Variants in BRD10 observed in about 807,000 individuals in gnomAD.
BRD10 encodes the protein bromodomain containing 10.
the BRD10 span, among the ~76,000 whole-genome samples, chr9:5,939,744 T>C: frequency 6.6e-6 from 1 of 152,200 alleles, no homozygotes; most frequent in Non-Finnish European, 1.5e-5. Context: ...TCAGCACAAC[T>C]GACATTTGGG....
chr9:5,922,527 G>T, the BRD10 span: 2 of 1,613,968 alleles, frequency 1.2e-6, no homozygotes, highest in Non-Finnish European at 8.5e-7. Context: ...ACAGTTCCTG[G>T]TGAGTTGACA....
At chr9:5,992,291 T>C in the BRD10 span, among the ~76,000 whole-genome samples, 1 of 152,190 alleles carries the variant, frequency 6.6e-6, no homozygotes, top group East Asian at 1.9e-4. Flanking sequence ...ATAGAAAGTA[T>C]TTGGAAGAAC....
At chr9:5,998,163 G>A in the BRD10 span, among the ~76,000 whole-genome samples, 6 of 152,084 alleles carry the variant, frequency 3.9e-5, no homozygotes, top group African/African-American at 1.2e-4. Context: ...ATGGCTACTG[G>A]ACACTCAATT....
At chr9:5,952,549 A>G in the BRD10 span, among the ~76,000 whole-genome samples, 93 of 152,368 alleles carry the variant, frequency 6.1e-4, no homozygotes, top group African/African-American at 2.2e-3. Flanking sequence ...AAAAAGAAAC[A>G]CTGGTCATGC....
the BRD10 span, among the ~76,000 whole-genome samples, chr9:5,975,428 A>G: frequency 4.5e-5 from 6 of 132,592 alleles, no homozygotes; most frequent in African/African-American, 1.7e-4. Context: ...AACAAGAGTG[A>G]AACTCCATCT....
At chr9:5,991,724 TA>T in the BRD10 span, among the ~76,000 whole-genome samples, 26,494 of 117,948 alleles carry the variant, frequency 0.22, 3,008 homozygotes, top group African/African-American at 0.32. Context: ...GACTCTGTCT[TA>T]AAAAAAAAAA....
At chr9:5,968,027 T>G in the BRD10 span, 2 of 1,512,014 alleles carry the variant, frequency 1.3e-6, no homozygotes, top group Non-Finnish European at 1.8e-6. Context: ...ACCAGATTTG[T>G]GCTTCTTGTG....
chr9:5,889,086 C>T, the BRD10 span, among the ~76,000 whole-genome samples: 7 of 152,270 alleles, frequency 4.6e-5, no homozygotes, highest in Non-Finnish European at 8.8e-5. Context: ...TTCTGAATCC[C>T]GGTGAAACCA....
the BRD10 span, chr9:5,920,145 AG>A: frequency 6.2e-7 from 1 of 1,613,986 alleles, no homozygotes; most frequent in African/African-American, 1.3e-5. Context: ...TGGCCACTTA[AG>A]GAATTATTTG....
At chr9:5,985,967 A>G in the BRD10 span, among the ~76,000 whole-genome samples, 7 of 152,202 alleles carry the variant, frequency 4.6e-5, no homozygotes, top group Admixed American at 1.3e-4. Flanking sequence ...GCTTTTTAAA[A>G]ATTATTATTA....
chr9:5,957,831 C>A, the BRD10 span, among the ~76,000 whole-genome samples: 3 of 152,094 alleles, frequency 2.0e-5, no homozygotes, highest in African/African-American at 4.8e-5. Flanking sequence ...TGAGATACTA[C>A]AAAATCATGC....
the BRD10 span, among the ~76,000 whole-genome samples, chr9:5,939,536 T>C: frequency 6.6e-6 from 1 of 152,240 alleles, no homozygotes; most frequent in East Asian, 1.9e-4. Context: ...ACAAGTTCCA[T>C]CAAGTACAAG....
At chr9:5,922,181 A>G in the BRD10 span, 3 of 1,613,988 alleles carry the variant, frequency 1.9e-6, no homozygotes, top group East Asian at 6.7e-5. Context: ...TCTTATGCAC[A>G]CAGTTTTCAG....
the BRD10 span, chr9:5,922,624 C>T: frequency 6.2e-7 from 1 of 1,612,648 alleles, no homozygotes; most frequent in Non-Finnish European, 8.5e-7. Flanking sequence ...GAAGTGGTGG[C>T]ACTTCTTTTG....
the BRD10 span, among the ~76,000 whole-genome samples, chr9:5,990,640 T>G: frequency 1.8e-4 from 27 of 152,328 alleles, no homozygotes; most frequent in African/African-American, 6.5e-4. Flanking sequence ...TTTATGAGCT[T>G]TGATATTTAT....
chr9:5,975,171 C>T, the BRD10 span, among the ~76,000 whole-genome samples: 1 of 152,118 alleles, frequency 6.6e-6, no homozygotes, highest in African/African-American at 2.4e-5. Context: ...CGTGGTGGCT[C>T]GTGCCTGTAA....
At chr9:5,933,874 T>C in the BRD10 span, 35 of 469,214 alleles carry the variant, frequency 7.5e-5, no homozygotes, top group East Asian at 3.5e-4. Context: ...GCTGGGGACA[T>C]TGGATACCTA....
the BRD10 span, among the ~76,000 whole-genome samples, chr9:5,881,215 C>T: frequency 6.6e-6 from 1 of 152,132 alleles, no homozygotes; most frequent in Admixed American, 6.5e-5. Context: ...CAGAAATGAG[C>T]AGGATTTATG....
At chr9:6,007,635 C>T in the BRD10 span, 2 of 1,602,760 alleles carry the variant, frequency 1.2e-6, no homozygotes, top group East Asian at 4.5e-5. Context: ...CGTCCGCGTC[C>T]TCCAGCGAGG....
Sources: gnomAD v4.1 joint callset for allele counts (sites outside exome capture counted in the v4.1 genomes callset) on GRCh38, gnomAD v4.1.1 for gene constraint, MANE v1.5 for transcripts, NCBI Gene and HGNC (gene_info 2026-07-23, HGNC 2026-07-21) for gene names.